Variants in KIAA1958 observed in about 807,000 individuals in gnomAD.
KIAA1958 encodes uncharacterized protein KIAA1958.
Under a neutral mutation model 47.2 loss-of-function variants are expected in KIAA1958, and 14 were observed. That is an observed-to-expected ratio of 0.30 (90% CI 0.20 to 0.46). The LOEUF (loss-of-function observed/expected upper bound fraction) is 0.46, where lower values mean the gene tolerates loss of function less well. Ranked by LOEUF, KIAA1958 falls within the 20% of genes least tolerant of loss-of-function variation. The pLI is 1.00. For synonymous variants in KIAA1958, 354 were observed against 353.3 expected (o/e 1.00, Z -0.02); for missense variants, 803 against 909.2 (o/e 0.88, Z 1.50).
chr9:112,614,403 A>G (rs924130314), intron 2 of KIAA1958, among the ~76,000 whole-genome samples: 3 of 152,202 alleles, frequency 2.0e-5, no homozygotes, highest in African/African-American at 7.2e-5. Flanking sequence ...ATTTCATTGT[A>G]TGTATGTTAC....
At chr9:112,552,017 G>A (rs1835159392) in intron 1 of KIAA1958, among the ~76,000 whole-genome samples, 1 of 152,176 alleles carries the variant, frequency 6.6e-6, no homozygotes, top group African/African-American at 2.4e-5. Flanking sequence ...GACATAAACA[G>A]GTTCCCAGAA....
chr9:112,555,639 G>A (rs896060025), intron 1 of KIAA1958, among the ~76,000 whole-genome samples: 5 of 152,180 alleles, frequency 3.3e-5, no homozygotes, highest in African/African-American at 7.2e-5. Flanking sequence ...CAGTATGCTC[G>A]CATGGCAGAA....
intron 1 of KIAA1958, among the ~76,000 whole-genome samples, chr9:112,550,420 G>T (rs1835121437): frequency 6.6e-6 from 1 of 152,164 alleles, no homozygotes; most frequent in Non-Finnish European, 1.5e-5. Context: ...GAACCCACTT[G>T]AAGTAGGGAT....
chr9:112,562,846 T>C (rs1156973489), intron 1 of KIAA1958, among the ~76,000 whole-genome samples: 2 of 151,718 alleles, frequency 1.3e-5, no homozygotes, highest in African/African-American at 4.8e-5. Context: ...TTTTCCTTTT[T>C]GTGGAGATGG....
chr9:112,642,167 A>G lies in KIAA1958; in HGVS notation c.1172-3483A>G, dbSNP rs72766125. On this transcript the variant is annotated intron_variant, in intron 2 of 3. Transcript: ENST00000337530. ...AAGGCTCCTGTCTGATAACACTTGG[A>G]TTGAGCTCTCATTTCTGCAGGCCAT... 5.1e-3 allele frequency among the ~76,000 whole-genome samples: 784 copies of G among 152,282 alleles called. 4 individuals are homozygous for G. Among genetic ancestry groups the G allele is most frequent in the Non-Finnish European group, 8.5e-3 (579 of 68,018 alleles).
intron 1 of KIAA1958, among the ~76,000 whole-genome samples, chr9:112,546,135 G>A (rs916447692): frequency 1.3e-5 from 2 of 152,066 alleles, no homozygotes; most frequent in African/African-American, 4.8e-5. Context: ...AAAACAGGAT[G>A]AGGTAAAGAA....
At chr9:112,496,558 G>T (rs1779074292) in intron 1 of KIAA1958, among the ~76,000 whole-genome samples, 1 of 152,112 alleles carries the variant, frequency 6.6e-6, no homozygotes, top group South Asian at 2.1e-4. Flanking sequence ...GCCTTTTTCC[G>T]AGTGTATGTT....
At chr9:112,494,533 A>G (rs1834020572) in intron 1 of KIAA1958, among the ~76,000 whole-genome samples, 1 of 150,724 alleles carries the variant, frequency 6.6e-6, no homozygotes, top group Admixed American at 6.6e-5. Flanking sequence ...CAGTGGCACC[A>G]TCATGGTTTA....
Position 112,645,948 on chromosome 9 carries a change from A to G in KIAA1958, c.1344+126A>G, listed in dbSNP as rs117398795. 1.4e-3 allele frequency: 837 copies of G among 616,370 alleles called. 11 individuals are homozygous for G. The East Asian group carries it at 0.026, about 19-fold the overall frequency. 38.2% of individuals were successfully genotyped at this position (616,370 alleles called of 1,614,324 possible). ...CTGCCTGGGGAAACTTTGGAAGAAC[A>G]TGAAATAGATAAAATCCACACACAA... On this transcript the variant is annotated intron_variant, in intron 3 of 3. Coordinates refer to ENST00000337530, the MANE Select transcript of KIAA1958 (RefSeq NM_133465.4).
chr9:112,558,603 C>A (rs968353009), intron 1 of KIAA1958, among the ~76,000 whole-genome samples: 2 of 152,140 alleles, frequency 1.3e-5, no homozygotes, highest in African/African-American at 4.8e-5. Flanking sequence ...GTCTGTTAAG[C>A]CTATTTCAGA....
intron 1 of KIAA1958, among the ~76,000 whole-genome samples, chr9:112,496,394 GA>G (rs1298150062): frequency 6.6e-6 from 1 of 152,226 alleles, no homozygotes; most frequent in Non-Finnish European, 1.5e-5. Context: ...TTAGAAGCCA[GA>G]ATAGGGGCTA....
chr9:112,588,750 T>C (rs781110705), intron 2 of KIAA1958, among the ~76,000 whole-genome samples: 2 of 152,142 alleles, frequency 1.3e-5, no homozygotes, highest in African/African-American at 2.4e-5. Flanking sequence ...TTTGGACTAA[T>C]TGATTTACCC....
At chr9:112,510,018 C>T (rs1834296627) in intron 1 of KIAA1958, among the ~76,000 whole-genome samples, 1 of 152,174 alleles carries the variant, frequency 6.6e-6, no homozygotes, top group Admixed American at 6.6e-5. Flanking sequence ...AGCTTAATAA[C>T]CATCTGAGTG....
At chr9:112,601,471 A>AGT (rs1394622437) in intron 2 of KIAA1958, among the ~76,000 whole-genome samples, 3 of 152,166 alleles carry the variant, frequency 2.0e-5, no homozygotes, top group Non-Finnish European at 4.4e-5. Context: ...AGTGTGGCTT[A>AGT]GTAGACCACA....
At chr9:112,490,465 T>G (rs140713629) in intron 1 of KIAA1958, among the ~76,000 whole-genome samples, 3 of 152,346 alleles carry the variant, frequency 2.0e-5, no homozygotes, top group African/African-American at 7.2e-5. Context: ...ATTGGAGAAT[T>G]CTTTTGCTAG....
chr9:112,656,640 G>A (rs1215416015), intron 3 of KIAA1958, among the ~76,000 whole-genome samples: 2 of 152,026 alleles, frequency 1.3e-5, no homozygotes, highest in Non-Finnish European at 2.9e-5. Context: ...AAAAAATGAA[G>A]AGCCTTTCTG....
At chr9:112,515,259 T>C (rs1475841184) in intron 1 of KIAA1958, among the ~76,000 whole-genome samples, 1 of 66,132 alleles carries the variant, frequency 1.5e-5, no homozygotes, top group South Asian at 5.7e-4. Context: ...GGGAGGGAGG[T>C]GGGGGGGTCA....
At chr9:112,487,549 G>A (rs1474037777) in intron 1 of KIAA1958, among the ~76,000 whole-genome samples, 1 of 152,194 alleles carries the variant, frequency 6.6e-6, no homozygotes, top group Non-Finnish European at 1.5e-5. Context: ...CAAGTCTTGA[G>A]ATGCTTATGG....
chr9:112,636,826 GACA>G (rs1836813308), intron 2 of KIAA1958, among the ~76,000 whole-genome samples: 1 of 152,070 alleles, frequency 6.6e-6, no homozygotes, highest in African/African-American at 2.4e-5. Context: ...TGCCCAGCCT[GACA>G]ACATTTATCT....
Sources: gnomAD v4.1 joint callset for allele counts (sites outside exome capture counted in the v4.1 genomes callset) on GRCh38, gnomAD v4.1.1 for gene constraint, MANE v1.5 for transcripts, NCBI Gene and HGNC (gene_info 2026-07-23, HGNC 2026-07-21) for gene names.